NYAP2: variants seen among roughly 807,000 people sequenced by gnomAD.
The protein encoded by NYAP2 is neuronal tyrosine-phosphorylated phosphoinositide-3-kinase adaptor 2, also known as neuronal tyrosine-phosphorylated phosphoinositide-3-kinase adapter 2.
In NYAP2, 23 loss-of-function variants were observed where a neutral mutation model predicts 50.4. That is an observed-to-expected ratio of 0.46 (90% CI 0.33 to 0.65). The LOEUF is 0.65. Ranked by LOEUF, NYAP2 falls within the 30% of genes least tolerant of loss-of-function variation. The pLI is 0.02. For synonymous variants in NYAP2, 394 were observed against 365.2 expected (o/e 1.08, Z -0.90); for missense variants, 885 against 861.0 (o/e 1.03, Z -0.35).
chr2:225,563,686 G>C (rs1475258919), intron 4 of NYAP2, among the ~76,000 whole-genome samples: 5 of 151,952 alleles, frequency 3.3e-5, no homozygotes, highest in Admixed American at 3.3e-4. Flanking sequence ...GAAGGAGAGA[G>C]AGACATACAT....
At chr2:225,643,405 AC>A (rs1559238385) in intron 6 of NYAP2, among the ~76,000 whole-genome samples, 1 of 151,820 alleles carries the variant, frequency 6.6e-6, no homozygotes, top group Non-Finnish European at 1.5e-5. Context: ...ATAAAAAGTT[AC>A]CTTTTCTTTT....
At chr2:225,671,750 T>C in the NYAP2 span, among the ~76,000 whole-genome samples, 3 of 152,166 alleles carry the variant, frequency 2.0e-5, no homozygotes, top group Non-Finnish European at 4.4e-5. Context: ...TCTTAAATAA[T>C]AAGATTTCAA....
At chr2:225,579,665 C>T (rs10804328) in intron 4 of NYAP2, among the ~76,000 whole-genome samples, 138,039 of 152,216 alleles carry the variant, frequency 0.91, 62,806 homozygotes, top group Middle Eastern at 0.97. Flanking sequence ...GTTCATCAAC[C>T]GTTGCTTCTC....
chr2:225,629,043 G>T (rs566299338), intron 6 of NYAP2, among the ~76,000 whole-genome samples: 14 of 152,202 alleles, frequency 9.2e-5, no homozygotes, highest in East Asian at 1.9e-4. Context: ...GGATTAGTTC[G>T]CATAATCATG....
At chr2:225,571,663 A>G (rs973380585) in intron 4 of NYAP2, among the ~76,000 whole-genome samples, 2 of 152,180 alleles carry the variant, frequency 1.3e-5, no homozygotes, top group Non-Finnish European at 2.9e-5. Context: ...TCCAGCCCAT[A>G]AAACCCTTTT....
chr2:225,566,917 G>A (rs1691971435), intron 4 of NYAP2, among the ~76,000 whole-genome samples: 1 of 150,854 alleles, frequency 6.6e-6, no homozygotes, highest in Non-Finnish European at 1.5e-5. Context: ...ACAGTAATAT[G>A]TGTGTGTGTG....
At position 225,582,576 on chromosome 2, in the gene NYAP2, G is replaced by T. The variant is rs376429827; in HGVS notation, c.1159G>T (p.Val387Phe). ...GTCGCCCTCCACGCTGCCGTCCCAC[G>T]TCCCCGGCCATGCGAAACTGGAGAA... Residue 387 changes from valine (V) to phenylalanine (F), a missense_variant, in exon 5 of 7, where the codon GTC (valine) becomes TTC (phenylalanine). Physicochemically the swap from Val to Phe is conservative, Grantham distance 50. Coordinates refer to ENST00000636099, the Ensembl canonical transcript of NYAP2. This position sits in a 1 kb window ranked among gnomAD's most constrained non-coding sequence, Gnocchi z 7.0. 1 of 1,596,130 alleles carries T rather than the reference G, an allele frequency of 6.3e-7. No individual in the cohort carries two copies. The highest frequency in any genetic ancestry group is 8.5e-7 in the Non-Finnish European group (1 of 1,171,784).
downstream of NYAP2, among the ~76,000 whole-genome samples, chr2:225,657,255 G>A (rs1474869784): frequency 4.6e-5 from 7 of 151,980 alleles, no homozygotes; most frequent in Admixed American, 1.3e-4. Flanking sequence ...GATTACAGGC[G>A]TCTGCCACCA....
chr2:225,604,830 T>A (rs1446716871), intron 5 of NYAP2, among the ~76,000 whole-genome samples: 1 of 152,056 alleles, frequency 6.6e-6, no homozygotes, highest in East Asian at 1.9e-4. Context: ...ATCAGCAAAA[T>A]GTACAGTACT....
At chr2:225,546,958 C>T (rs2106207457) in intron 4 of NYAP2, among the ~76,000 whole-genome samples, 1 of 152,196 alleles carries the variant, frequency 6.6e-6, no homozygotes, top group African/African-American at 2.4e-5. Context: ...TTTCTTCAGG[C>T]CCAGAGTGTG....
intron 6 of NYAP2, among the ~76,000 whole-genome samples, chr2:225,640,251 A>G (rs1693504150): frequency 6.6e-6 from 1 of 152,174 alleles, no homozygotes; most frequent in Non-Finnish European, 1.5e-5. Flanking sequence ...CACCTTTCCT[A>G]TACCTAATTG....
At chr2:225,495,474 C>G (rs1434290060) in intron 3 of NYAP2, among the ~76,000 whole-genome samples, 1 of 152,116 alleles carries the variant, frequency 6.6e-6, no homozygotes, top group Non-Finnish European at 1.5e-5. Flanking sequence ...CTATTTTTCC[C>G]TTTCATATCA....
At chr2:225,520,926 G>T (rs1691042343) in intron 4 of NYAP2, among the ~76,000 whole-genome samples, 1 of 151,760 alleles carries the variant, frequency 6.6e-6, no homozygotes, top group Admixed American at 6.6e-5. Flanking sequence ...TCTTCCATTT[G>T]TTTGTATCCT....
At chr2:225,586,350 A>C (rs1174363065) in intron 5 of NYAP2, among the ~76,000 whole-genome samples, 1 of 152,182 alleles carries the variant, frequency 6.6e-6, no homozygotes, top group Non-Finnish European at 1.5e-5. Flanking sequence ...TGGCCTTCAC[A>C]TTCATTGTTA....
At position 225,581,288 on chromosome 2, in the gene NYAP2, CA is replaced by C. The variant is rs371034659; in HGVS notation, c.524-648del. ...GGAATATCATAAGAGATCTTAAGAA[CA>C]AAAACAGACAAATACACCATAATCA... On this transcript the variant is annotated intron_variant, in intron 4 of 6. Transcript: ENST00000636099. 8.3e-3 allele frequency among the ~76,000 whole-genome samples: 1,257 copies of C among 152,246 alleles called. 17 individuals carry two copies. The highest frequency in any genetic ancestry group is 0.029 in the African/African-American group (1,202 of 41,544).
Position 225,408,857 on chromosome 2 carries a change from C to T in NYAP2, c.-17-7C>T, listed in dbSNP as rs751846339. On this transcript the variant is annotated splice_polypyrimidine_tract_variant and splice_region_variant and intron_variant, in intron 2 of 6. Transcript: ENST00000636099. Reference sequence around the variant, plus strand: ...GGATAAAAGTAAAATGTGTTCTCACCCTGCAGGCAGTGTTCCTCTTTACAT... The same window carrying T: ...GGATAAAAGTAAAATGTGTTCTCACTCTGCAGGCAGTGTTCCTCTTTACAT... The T allele has an allele frequency of 1.3e-6, 2 of 1,502,858 alleles. No homozygotes were observed. Among genetic ancestry groups the T allele is most frequent in the South Asian group, 2.3e-5 (2 of 87,456 alleles). The allele number at this position is 1,502,858 out of a possible 1,614,324, so 93.1% of individuals were successfully genotyped here. A position where few individuals can be genotyped will look rare whatever the true frequency, so the allele number is the denominator to read the frequency against.
intron 4 of NYAP2, among the ~76,000 whole-genome samples, chr2:225,541,293 G>T (rs1691467044): frequency 6.6e-6 from 1 of 152,032 alleles, no homozygotes; most frequent in Non-Finnish European, 1.5e-5. Flanking sequence ...TTTTAAACTT[G>T]ATATAATCCC....
the NYAP2 span, among the ~76,000 whole-genome samples, chr2:225,692,870 TACACACACAC>T: frequency 7.5e-6 from 1 of 132,720 alleles, no homozygotes; most frequent in African/African-American, 2.5e-5. Flanking sequence ...TCTTTAAACA[TACACACACAC>T]ACACACACAC....
chr2:225,411,068 C>G (rs114908365), intron 3 of NYAP2, among the ~76,000 whole-genome samples: 7 of 152,236 alleles, frequency 4.6e-5, no homozygotes, highest in South Asian at 4.1e-4. Flanking sequence ...TTCACTTCTA[C>G]TCACCCCATA....
Sources: allele counts gnomAD v4.1 joint callset (sites outside exome capture counted in the v4.1 genomes callset), GRCh38; gene constraint gnomAD v4.1.1; non-coding constraint Gnocchi (gnomAD v3.1); transcripts MANE v1.5; gene names NCBI Gene and HGNC (gene_info 2026-07-23, HGNC 2026-07-21).